NEGR1: variants seen among roughly 807,000 people sequenced by gnomAD.
NEGR1 encodes IgLON family member 4.
NEGR1 carries 10 observed loss-of-function variants against 40.9 expected under a neutral mutation model. That is an observed-to-expected ratio of 0.24 (90% CI 0.15 to 0.42). The LOEUF (loss-of-function observed/expected upper bound fraction) is 0.42. NEGR1 is among the 10% of genes least tolerant of loss of function. The pLI is 1.00. For synonymous variants in NEGR1, 185 were observed against 166.8 expected, an observed-to-expected ratio of 1.11 and a Z score of -0.84; for missense variants, 352 against 438.9, an observed-to-expected ratio of 0.80 and a Z score of 1.77.
At chr1:71,479,093 T>G (rs184292157) in intron 6 of NEGR1, among the ~76,000 whole-genome samples, 173 of 152,066 alleles carry the variant, frequency 1.1e-3, no homozygotes, top group Non-Finnish European at 2.0e-3. Context: ...TAATAAAATG[T>G]TTTTTTCCAT....
chr1:71,915,922 G>A (rs1459834148), intron 2 of NEGR1, among the ~76,000 whole-genome samples: 1 of 152,120 alleles, frequency 6.6e-6, no homozygotes, highest in Non-Finnish European at 1.5e-5. Flanking sequence ...CCGCCAAAAG[G>A]ATGTTCAGAG....
chr1:71,667,235 C>T (rs1652274079), intron 4 of NEGR1, among the ~76,000 whole-genome samples: 1 of 152,172 alleles, frequency 6.6e-6, no homozygotes, highest in African/African-American at 2.4e-5. Context: ...CGATGTGACT[C>T]TTGTGAATCA....
intron 1 of NEGR1, among the ~76,000 whole-genome samples, chr1:72,224,905 TTAAC>T (rs1654126227): frequency 6.6e-6 from 1 of 152,094 alleles, no homozygotes; most frequent in Admixed American, 6.6e-5. Flanking sequence ...ATTAATTTAA[TTAAC>T]ATCATGAATT....
intron 1 of NEGR1, among the ~76,000 whole-genome samples, chr1:72,034,615 A>T (rs1313744956): frequency 6.6e-6 from 1 of 152,190 alleles, no homozygotes; most frequent in Non-Finnish European, 1.5e-5. Context: ...TTAGTGGACA[A>T]TTGCTGCCAC....
intron 1 of NEGR1, among the ~76,000 whole-genome samples, chr1:71,986,232 T>G (rs1408306811): frequency 6.6e-6 from 1 of 152,246 alleles, no homozygotes; most frequent in African/African-American, 2.4e-5. Flanking sequence ...CCAGGATATT[T>G]ATCACTAGCT....
intron 2 of NEGR1, among the ~76,000 whole-genome samples, chr1:71,846,961 C>T (rs1029609002): frequency 6.6e-6 from 1 of 152,156 alleles, no homozygotes; most frequent in African/African-American, 2.4e-5. Flanking sequence ...ATTTTCAGAC[C>T]ATAGCACATA....
intron 2 of NEGR1, among the ~76,000 whole-genome samples, chr1:71,812,682 G>A (rs1658045038): frequency 6.6e-6 from 1 of 152,090 alleles, no homozygotes; most frequent in Non-Finnish European, 1.5e-5. Flanking sequence ...TTTGTGGGCT[G>A]CATCAATGTC....
At chr1:71,966,922 A>G (rs1011036737) in intron 1 of NEGR1, among the ~76,000 whole-genome samples, 2 of 152,184 alleles carry the variant, frequency 1.3e-5, no homozygotes, top group African/African-American at 2.4e-5. Context: ...AATTTTTCAT[A>G]TTATTTAACA....
At chr1:71,461,737 C>T (rs1646716044) in intron 6 of NEGR1, 1 of 152,098 alleles carries the variant, frequency 6.6e-6, no homozygotes, top group Non-Finnish European at 1.5e-5. Context: ...GGATTTTTAG[C>T]TTGAAAGAAA....
intron 3 of NEGR1, among the ~76,000 whole-genome samples, chr1:71,744,409 TCATAATATATCCATATTTA>T (rs1310391708): frequency 6.6e-6 from 1 of 150,644 alleles, no homozygotes; most frequent in Non-Finnish European, 1.5e-5. Flanking sequence ...CATATCCATG[TCATAATATATCCATATTTA>T]CATCTGTCTA....
chr1:71,674,214 C>A (rs1366383428), intron 4 of NEGR1, among the ~76,000 whole-genome samples: 1 of 152,144 alleles, frequency 6.6e-6, no homozygotes, highest in Non-Finnish European at 1.5e-5. Context: ...AGTTTCACTT[C>A]TTTCCACTCA....
At chr1:72,101,697 T>C (rs1002007314) in intron 1 of NEGR1, among the ~76,000 whole-genome samples, 5 of 152,064 alleles carry the variant, frequency 3.3e-5, no homozygotes, top group Admixed American at 3.3e-4. Flanking sequence ...CTGAGACCTT[T>C]GTCTCAGATT....
chr1:71,915,514 T>A (rs909037814), intron 2 of NEGR1, among the ~76,000 whole-genome samples: 20 of 152,164 alleles, frequency 1.3e-4, no homozygotes, highest in Non-Finnish European at 2.5e-4. Flanking sequence ...ATAGTGTCAT[T>A]CATTGTACTG....
intron 1 of NEGR1, among the ~76,000 whole-genome samples, chr1:72,259,312 G>A (rs987760252): frequency 6.6e-6 from 1 of 152,126 alleles, no homozygotes; most frequent in African/African-American, 2.4e-5. Flanking sequence ...TGAAGAGATG[G>A]TTAACGGATA....
At chr1:72,056,217 A>C (rs933947848) in intron 1 of NEGR1, among the ~76,000 whole-genome samples, 17 of 151,334 alleles carry the variant, frequency 1.1e-4, no homozygotes, top group Non-Finnish European at 5.9e-5. Flanking sequence ...GAAGTTAACC[A>C]AAATTTTCTT....
intron 1 of NEGR1, among the ~76,000 whole-genome samples, chr1:72,154,762 C>T (rs897452368): frequency 4.6e-5 from 7 of 152,008 alleles, no homozygotes; most frequent in Middle Eastern, 6.8e-3. Flanking sequence ...CAAATCTGAG[C>T]CTTGTTGCTT....
At chr1:71,987,412 C>G (rs1646404538) in intron 1 of NEGR1, among the ~76,000 whole-genome samples, 1 of 152,132 alleles carries the variant, frequency 6.6e-6, no homozygotes, top group South Asian at 2.1e-4. Flanking sequence ...TCACGTGGTA[C>G]TGATCTGTGG....
intron 1 of NEGR1, among the ~76,000 whole-genome samples, chr1:72,134,801 G>C (rs1009789428): frequency 6.6e-6 from 1 of 151,264 alleles, no homozygotes; most frequent in Non-Finnish European, 1.5e-5. Flanking sequence ...GCAATGGCAC[G>C]TTCTCAGCTG....
intron 2 of NEGR1, among the ~76,000 whole-genome samples, chr1:71,797,536 T>G (rs2101743783): frequency 6.6e-6 from 1 of 152,244 alleles, no homozygotes; most frequent in Non-Finnish European, 1.5e-5. Context: ...ATTTGGATAA[T>G]TAGAGAAAAT....
Sources: gnomAD v4.1 joint callset for allele counts (sites outside exome capture counted in the v4.1 genomes callset) on GRCh38, gnomAD v4.1.1 for gene constraint, MANE v1.5 for transcripts, NCBI Gene and HGNC (gene_info 2026-07-23, HGNC 2026-07-21) for gene names.